The following L3MBTL1 variants were observed in gnomAD, a reference collection of about 807,000 sequenced individuals.
L3MBTL1 encodes the protein L3MBTL histone methyl-lysine binding protein 1.
A neutral mutation model predicts 105.3 loss-of-function variants in L3MBTL1; 75 were observed. The observed-to-expected ratio is 0.71, with a 90% confidence interval of 0.59 to 0.86. L3MBTL1 has a LOEUF of 0.86. Ranked by LOEUF, L3MBTL1 falls within the 40% of genes least tolerant of loss-of-function variation. The pLI, the probability that L3MBTL1 is intolerant of heterozygous loss-of-function variation, is 0.00. For missense variants in L3MBTL1, 1,069 were observed against 1,126.4 expected (o/e 0.95, Z 0.73); for synonymous variants, 452 against 436.2 (o/e 1.04, Z -0.45).
At chr20:43,525,210 AC>A (rs1200988173) in intron 7 of L3MBTL1, among the ~76,000 whole-genome samples, 1 of 152,056 alleles carries the variant, frequency 6.6e-6, no homozygotes, top group Non-Finnish European at 1.5e-5. Flanking sequence ...GGTAACGAAT[AC>A]CGAAAGGGCC....
intron 20 of L3MBTL1, among the ~76,000 whole-genome samples, 178 bp downstream of exon 20, chr20:43,540,486 C>T (rs550446164): frequency 6.6e-6 from 1 of 152,284 alleles, no homozygotes; most frequent in Admixed American, 6.5e-5. Context: ...GAGACCCTTC[C>T]TGATAGGTCC....
At chr20:43,509,171 T>C (rs1378526867) in intron 1 of L3MBTL1, among the ~76,000 whole-genome samples, 1 of 152,142 alleles carries the variant, frequency 6.6e-6, no homozygotes, top group East Asian at 1.9e-4. Context: ...TACTCAGTTA[T>C]GTGGTTTTTT....
Position 43,530,691 on chromosome 20 carries a change from G to T in L3MBTL1, c.1193-107G>T, listed in dbSNP as rs2019290276. 3 of 1,054,882 alleles carry T rather than the reference G, an allele frequency of 2.8e-6. No homozygotes were observed. The South Asian group carries it at 4.0e-5, about 14-fold the overall frequency. The allele number at this position is 1,054,882 out of a possible 1,614,324, so 65.3% of individuals were successfully genotyped here. A position where few individuals can be genotyped will look rare whatever the true frequency, so the allele number is the denominator to read the frequency against. ...ATCCCTGGGCAAGTTCTTGAGGGTT[G>T]GGGGGAGGTCCTCAGGCATGCCTGA... is the stretch of plus-strand genomic sequence containing the variant. On this transcript the variant is annotated intron_variant, in intron 10 of 21. Coordinates refer to ENST00000418998, the MANE Select transcript of L3MBTL1 (RefSeq NM_001377303.1).
chr20:43,535,362 C>T (rs773500800), intron 16 of L3MBTL1, among the ~76,000 whole-genome samples: 4 of 152,194 alleles, frequency 2.6e-5, no homozygotes, highest in Admixed American at 6.5e-5. Context: ...CCCATTTTCA[C>T]CCTTAGGATT....
intron 19 of L3MBTL1, among the ~76,000 whole-genome samples, chr20:43,538,385 T>C (rs2019739488): frequency 6.6e-6 from 1 of 152,182 alleles, no homozygotes; most frequent in South Asian, 2.1e-4. Context: ...CTCACCCAGA[T>C]CCTTGAGGCA....
Position 43,533,293 on chromosome 20 carries a change from T to C in L3MBTL1, c.1437-49T>C, listed in dbSNP as rs2019434651. 3 of 1,564,052 alleles carry C rather than the reference T, an allele frequency of 1.9e-6. No individual in the cohort carries two copies. In the South Asian group the frequency reaches 3.4e-5, roughly 18 times the overall value. On this transcript the variant is annotated intron_variant, in intron 12 of 21. Transcript: ENST00000418998. ...GCCATGCTTTCAGAGGATGGCAGGC[T>C]CAGGGCCTCAAGTTTCTCTTGGGAC...
rs200755279 is a variant in L3MBTL1, at chr20:43,517,125, G to A, written c.862+948G>A. Among the ~76,000 whole-genome samples, 21 of 150,820 alleles carry A rather than the reference G, an allele frequency of 1.4e-4. 1 individual carries two copies. The East Asian group carries it at 3.5e-3, about 25-fold the overall frequency. On this transcript the variant is annotated intron_variant, in intron 7 of 21. Transcript: ENST00000418998. ...TTTTTTTTTTTTTCTTTGAGACGGA[G>A]TTTCACTCTGTTGCCCAGGCTAGAG... is the stretch of plus-strand genomic sequence containing the variant.
chr20:43,532,709 AT>A, intron 11 of L3MBTL1, 63 bp from the exon 12 acceptor site: 1 of 1,561,092 alleles, frequency 6.4e-7, no homozygotes. Context: ...TTGTTTGCCA[AT>A]GGGCTCTGGG....
intron 12 of L3MBTL1, 79 bp from the exon 13 acceptor site, chr20:43,533,263 C>T: frequency 7.4e-7 from 1 of 1,342,808 alleles, no homozygotes; most frequent in Non-Finnish European, 1.0e-6. Context: ...GAGGGTGGGC[C>T]CTGAGCCATG....
chr20:43,534,167 C>A, intron 14 of L3MBTL1, 74 bp downstream of exon 14: 1 of 1,542,278 alleles, frequency 6.5e-7, no homozygotes, highest in Non-Finnish European at 8.9e-7. Flanking sequence ...GGCTGGGGCC[C>A]TAGCCTTCCC....
intron 20 of L3MBTL1, 41 bp downstream of exon 20, chr20:43,540,349 C>T (rs2019854696): frequency 1.2e-6 from 2 of 1,602,608 alleles, no homozygotes; most frequent in Non-Finnish European, 1.7e-6. Context: ...TCTTCCTCTC[C>T]TCCTCCCTCT....
chr20:43,513,360 G>C, intron 1 of L3MBTL1, 116 bp from the exon 2 acceptor site: 4 of 1,037,384 alleles, frequency 3.9e-6, no homozygotes, highest in Non-Finnish European at 5.5e-6. Flanking sequence ...TTTCTCTGCA[G>C]GTCACGGGTT....
At chr20:43,514,980 G>C (rs374585321) in intron 4 of L3MBTL1, 29 bp from the exon 5 acceptor site, 248 of 1,607,392 alleles carry the variant, frequency 1.5e-4, no homozygotes, top group Non-Finnish European at 1.9e-4. Context: ...GATGGGGAGG[G>C]AGGCCTGAGG....
At chr20:43,525,844 G>A (rs1184710854) in intron 7 of L3MBTL1, among the ~76,000 whole-genome samples, 1 of 152,136 alleles carries the variant, frequency 6.6e-6, no homozygotes, top group Non-Finnish European at 1.5e-5. Context: ...CGGCATCTCT[G>A]TACCCCCAAT....
At chr20:43,513,789 G>A in intron 2 of L3MBTL1, 49 bp from the exon 3 acceptor site, 1 of 1,540,750 alleles carries the variant, frequency 6.5e-7, no homozygotes, top group Non-Finnish European at 8.8e-7. Flanking sequence ...GATTGAGGTA[G>A]GGCCACTAGA....
At chr20:43,542,636 GAAAAA>G (rs1364327291), downstream of L3MBTL1, among the ~76,000 whole-genome samples, 1 of 130,962 alleles carries the variant, frequency 7.6e-6, no homozygotes, top group African/African-American at 2.8e-5. Flanking sequence ...AAAAAGAAAA[GAAAAA>G]GATACAGACA....
intron 19 of L3MBTL1, among the ~76,000 whole-genome samples, chr20:43,537,364 T>C (rs935361117): frequency 3.3e-5 from 5 of 152,236 alleles, no homozygotes; most frequent in African/African-American, 9.6e-5. Context: ...GGCTGCCTTC[T>C]TGCTGTGTTC....
At chr20:43,535,983 T>G (rs752764437) in intron 17 of L3MBTL1, 47 bp downstream of exon 17, 1 of 1,590,414 alleles carries the variant, frequency 6.3e-7, no homozygotes, top group Non-Finnish European at 8.6e-7. Context: ...GTTTTGCACT[T>G]ACTGCATGCA....
Position 43,512,144 on chromosome 20 carries a change from C to A in L3MBTL1, c.-28-1332C>A, listed in dbSNP as rs185840436. Among the ~76,000 whole-genome samples, 29 of 152,180 alleles carry A rather than the reference C, an allele frequency of 1.9e-4. No individual in the cohort carries two copies. The East Asian group carries it at 5.2e-3, about 27-fold the overall frequency. Reference sequence around the variant, plus strand: ...TTGGTTTATGTTTTTAAAGCTTTTTCGACTGGAGAGTAGACTGTAGGGGTG... The same window carrying A: ...TTGGTTTATGTTTTTAAAGCTTTTTAGACTGGAGAGTAGACTGTAGGGGTG... On this transcript the variant is annotated intron_variant, in intron 1 of 21. Transcript: ENST00000418998.
Sources: allele counts gnomAD v4.1 joint callset (sites outside exome capture counted in the v4.1 genomes callset), GRCh38; gene constraint gnomAD v4.1.1; transcripts MANE v1.5; gene names NCBI Gene and HGNC (gene_info 2026-07-23, HGNC 2026-07-21).